Variants in NAA60 observed in about 807,000 individuals in gnomAD.
NAA60 encodes N-alpha-acetyltransferase 60.
In NAA60, 8 loss-of-function variants were observed where a neutral mutation model predicts 26.1. The ratio of observed to expected loss-of-function variants is 0.31; its 90% CI spans 0.18 to 0.55. The LOEUF (loss-of-function observed/expected upper bound fraction) is 0.55, where lower values mean the gene tolerates loss of function less well. Ranked by LOEUF, NAA60 falls within the 20% of genes least tolerant of loss-of-function variation. NAA60 has a pLI of 0.93. For synonymous variants in NAA60, 131 were observed against 122.5 expected (o/e 1.07, Z -0.46); for missense variants, 290 against 311.3 (o/e 0.93, Z 0.51).
At chr16:3,459,360 CTT>C (rs938039646) in intron 2 of NAA60, among the ~76,000 whole-genome samples, 2 of 152,152 alleles carry the variant, frequency 1.3e-5, no homozygotes, top group African/African-American at 4.8e-5. Flanking sequence ...GAGGGGGAGT[CTT>C]CAACATCTTT....
At chr16:3,452,414 G>A (rs540827355) in intron 2 of NAA60, among the ~76,000 whole-genome samples, 2 of 152,090 alleles carry the variant, frequency 1.3e-5, no homozygotes, top group Admixed American at 1.3e-4. Flanking sequence ...TAGCACTTTG[G>A]GAGGCTGAGG....
In NAA60 at chr16:3,485,047, G is replaced by T; in HGVS notation, c.*192G>T. ...AACATCGTGGGCATGCGCAGAGCATGCCCATCCGTGGCAGGTACGCCACAG... is the reference window on the plus strand; with the variant it reads ...AACATCGTGGGCATGCGCAGAGCATTCCCATCCGTGGCAGGTACGCCACAG... On this transcript the variant is annotated 3_prime_UTR_variant, in exon 7 of 8. Coordinates refer to ENST00000407558, the MANE Select transcript of NAA60 (RefSeq NM_001083601.3). 3 of 1,501,114 alleles carry T rather than the reference G, an allele frequency of 2.0e-6. No homozygotes were observed. The South Asian group carries it at 3.6e-5, about 18-fold the overall frequency. 93.0% of individuals were successfully genotyped at this position (1,501,114 alleles called of 1,614,324 possible). A position where few individuals can be genotyped will look rare whatever the true frequency, so the allele number is the denominator to read the frequency against.
rs147601735 is a variant in NAA60 at position 3,455,144 on chromosome 16, C to T, written c.-7+6604C>T. ...TCGGCTCGCTGCAACCTCGGCCTCCCGGGTTCAAGCCATTCTCATGTCTCA... is the reference window on the plus strand; with the variant it reads ...TCGGCTCGCTGCAACCTCGGCCTCCTGGGTTCAAGCCATTCTCATGTCTCA... On this transcript the variant is annotated intron_variant, in intron 2 of 7. Transcript: ENST00000407558. 3.0e-3 allele frequency among the ~76,000 whole-genome samples: 456 copies of T among 151,386 alleles called. 3 individuals are homozygous for T. Among genetic ancestry groups the T allele is most frequent in the Admixed American group, 7.2e-3 (109 of 15,202 alleles).
intron 1 of NAA60, among the ~76,000 whole-genome samples, chr16:3,444,384 G>C (rs1212347525): frequency 1.3e-5 from 2 of 152,010 alleles, no homozygotes; most frequent in African/African-American, 4.8e-5. Context: ...CTAACTCAGA[G>C]GGTAATTTCA....
chr16:3,450,383 G>C (rs1169632649), intron 2 of NAA60, among the ~76,000 whole-genome samples: 1 of 152,116 alleles, frequency 6.6e-6, no homozygotes, highest in African/African-American at 2.4e-5. Context: ...GAAGCTTGTG[G>C]ATTTCTTTCT....
intron 2 of NAA60, 28 bp downstream of exon 2, chr16:3,448,568 A>G: frequency 1.3e-6 from 2 of 1,522,238 alleles, no homozygotes; most frequent in Non-Finnish European, 8.8e-7. Context: ...GTGTCCTGCT[A>G]TTAATGATGC....
At chr16:3,458,145 C>T (rs1332160560) in intron 2 of NAA60, 5 of 985,042 alleles carry the variant, frequency 5.1e-6, no homozygotes, top group Middle Eastern at 5.2e-4. Flanking sequence ...GCGCTGAGCC[C>T]TACAACACCC....
chr16:3,447,729 T>C (rs114414704), intron 1 of NAA60: 1 of 686,502 alleles, frequency 1.5e-6, no homozygotes, highest in Non-Finnish European at 1.8e-6. Context: ...TCCAGTCTTA[T>C]AAGGGGACAA....
intron 2 of NAA60, among the ~76,000 whole-genome samples, chr16:3,452,653 CAA>C (rs57798902): frequency 3.0e-5 from 4 of 135,314 alleles, no homozygotes; most frequent in African/African-American, 5.5e-5. Flanking sequence ...GACCCCGTCT[CAA>C]AAAAAAAAAA....
At chr16:3,448,848 CAG>C (rs2034657082) in intron 2 of NAA60, 3 of 256,900 alleles carry the variant, frequency 1.2e-5, no homozygotes, top group Admixed American at 1.0e-4. Flanking sequence ...AGCCCAGTCT[CAG>C]GGCACACTGA....
At chr16:3,475,597 G>A (rs1038230373) in intron 2 of NAA60, among the ~76,000 whole-genome samples, 1 of 152,088 alleles carries the variant, frequency 6.6e-6, no homozygotes, top group Non-Finnish European at 1.5e-5. Context: ...GGAGTCCTTG[G>A]CCACTCGTGA....
In NAA60 at chr16:3,483,587, T is replaced by C. The variant is rs753318868; in HGVS notation, c.562T>C (p.Trp188Arg). The C allele has an allele frequency of 1.2e-6, 2 of 1,610,796 alleles. No homozygotes were observed. Among genetic ancestry groups the C allele is most frequent in the Non-Finnish European group, 8.5e-7 (1 of 1,178,316 alleles). ...VLYINGGHPP[W>R]TILDYIQHLG... ...CTACATCAACGGCGGCCACCCTCCC[T>C]GGACGATTTTATATCCTTAACTTCT... The change falls in exon 6 of 8, where the codon TGG becomes CGG. Residue 188 changes from tryptophan (W) to arginine (R), a missense_variant. By Grantham distance (101) the Trp-to-Arg change is moderately radical. Coordinates refer to ENST00000407558, the MANE Select transcript of NAA60 (RefSeq NM_001083601.3).
intron 1 of NAA60, among the ~76,000 whole-genome samples, chr16:3,447,222 T>A (rs963712504): frequency 6.6e-6 from 1 of 152,218 alleles, no homozygotes; most frequent in African/African-American, 2.4e-5. Flanking sequence ...TACTCATTTT[T>A]GGGAGTAAAA....
At chr16:3,468,655 G>T (rs1312487865) in intron 2 of NAA60, among the ~76,000 whole-genome samples, 1 of 152,250 alleles carries the variant, frequency 6.6e-6, no homozygotes, top group Non-Finnish European at 1.5e-5. Context: ...AGCAGGATCA[G>T]TGCCTCCCTC....
chr16:3,458,890 A>G (rs2035188837), intron 2 of NAA60, among the ~76,000 whole-genome samples: 1 of 152,044 alleles, frequency 6.6e-6, no homozygotes. Context: ...CTGCTGGGAA[A>G]ATTTGGGGGT....
intron 1 of NAA60, among the ~76,000 whole-genome samples, chr16:3,448,263 G>T (rs948940146): frequency 5.4e-5 from 6 of 110,932 alleles, no homozygotes; most frequent in African/African-American, 2.2e-4. Flanking sequence ...GACAGAGCAA[G>T]ACCTTGTCTC....
intron 2 of NAA60, among the ~76,000 whole-genome samples, chr16:3,453,901 A>G (rs1333581177): frequency 6.6e-6 from 1 of 152,044 alleles, no homozygotes; most frequent in Admixed American, 6.6e-5. Context: ...CCTTTCCCAA[A>G]TAGAGCTTGC....
In NAA60 at chr16:3,482,362, T is replaced by A. The variant is rs1435153867; in HGVS notation, c.241-140T>A. 3 of 694,124 alleles carry A rather than the reference T, an allele frequency of 4.3e-6. No individual in the cohort carries two copies. The African/African-American group carries it at 5.3e-5, about 12-fold the overall frequency. The allele number at this position is 694,124 out of a possible 1,614,324, so 43.0% of individuals were successfully genotyped here. ...TTGGGGAGTGGGGGCCCCTCTCCAG[T>A]ACCTCTTGATTCTGCCCCTCCCAGT... On this transcript the variant is annotated intron_variant, in intron 4 of 7. Transcript: ENST00000407558.
At chr16:3,468,530 A>G (rs540108424) in intron 2 of NAA60, among the ~76,000 whole-genome samples, 2 of 152,176 alleles carry the variant, frequency 1.3e-5, no homozygotes, top group African/African-American at 4.8e-5. Flanking sequence ...GTGTCCGGAG[A>G]GGTCATTTCC....
Sources: allele counts gnomAD v4.1 joint callset (sites outside exome capture counted in the v4.1 genomes callset), GRCh38; gene constraint gnomAD v4.1.1; transcripts MANE v1.5; gene names NCBI Gene and HGNC (gene_info 2026-07-23, HGNC 2026-07-21).